Variants in RC3H1 observed in about 807,000 individuals in gnomAD.
RC3H1 encodes roquin-1.
A neutral mutation model predicts 138.2 loss-of-function variants in RC3H1; 50 were observed. The observed-to-expected ratio is 0.36, with a 90% CI of 0.29 to 0.46. The LOEUF (loss-of-function observed/expected upper bound fraction) is 0.46. Among genes scored for constraint, RC3H1 ranks in the 20% least tolerant of loss-of-function variants. RC3H1 has a pLI of 1.00. For missense variants in RC3H1, 1,031 were observed against 1,388.1 expected (o/e 0.74, Z 4.09); for synonymous variants, 462 against 489.1 (o/e 0.94, Z 0.73).
rs1553232033 is a variant in RC3H1 at position 173,992,699 on chromosome 1, C to CAGAG, written c.231+52_231+55dup. ...ACACACACACACACACACACACACA[C>CAGAG]AGAGAGAGAGAGAGAGAGAGGGAGA... is the stretch of plus-strand genomic sequence containing the variant. On this transcript the variant is annotated intron_variant, in intron 2 of 19. Transcript: ENST00000367696. 3.1e-3 allele frequency: 2,317 copies of CAGAG among 745,492 alleles called. 4 individuals are homozygous for CAGAG. Among genetic ancestry groups the CAGAG allele is most frequent in the East Asian group, 8.7e-3 (262 of 30,204 alleles). The allele number at this position is 745,492 out of a possible 1,614,324, so 46.2% of individuals were successfully genotyped here.
At chr1:173,946,635 A>C (rs1659149969) in intron 16 of RC3H1, 27 bp from the exon 17 acceptor site, 1 of 1,610,694 alleles carries the variant, frequency 6.2e-7, no homozygotes, top group African/African-American at 1.3e-5. Flanking sequence ...AGTGTGAATC[A>C]AATTTTAACA....
chr1:173,932,854 T>C lies in RC3H1; in HGVS notation c.*5867A>G, dbSNP rs184359584. ...AACCAATTATTCACCCAATAGTTTG[T>C]TTCCAATCTTTTTCTTGACTCTTTC... On this transcript the variant is annotated 3_prime_UTR_variant, in exon 20 of 20. Transcript: ENST00000367696. The C allele has an allele frequency of 1.3e-5, 2 of 152,224 alleles. No individual in the cohort carries two copies. The highest frequency in any genetic ancestry group is 1.3e-4 in the Admixed American group (2 of 15,294). 9.4% of individuals were successfully genotyped at this position (152,224 alleles called of 1,614,324 possible). A position where few individuals can be genotyped will look rare whatever the true frequency, so the allele number is the denominator to read the frequency against.
intron 18 of RC3H1, among the ~76,000 whole-genome samples, chr1:173,942,428 C>CAAAAAAAAAAAAAAAAAAAAAAAAAA (rs60694243): frequency 1.8e-4 from 7 of 38,076 alleles, no homozygotes; most frequent in African/African-American, 1.0e-3. Flanking sequence ...GACTCAGTCT[C>CAAAAAAAAAAAAAAAAAAAAAAAAAA]AAAAAAAAAA....
At chr1:173,989,910 T>C (rs1036039683) in intron 2 of RC3H1, among the ~76,000 whole-genome samples, 9 of 149,936 alleles carry the variant, frequency 6.0e-5, no homozygotes, top group South Asian at 2.1e-4. Flanking sequence ...GTATTTTTAG[T>C]AGAGACGGGG....
At chr1:173,958,824 T>C (rs1377873592) in intron 13 of RC3H1, among the ~76,000 whole-genome samples, 1 of 152,106 alleles carries the variant, frequency 6.6e-6, no homozygotes, top group Non-Finnish European at 1.5e-5. Flanking sequence ...GTTTTTTTTT[T>C]CTGATTTTCA....
At chr1:173,989,281 G>A (rs1412211936) in intron 2 of RC3H1, among the ~76,000 whole-genome samples, 2 of 151,518 alleles carry the variant, frequency 1.3e-5, no homozygotes, top group Admixed American at 6.6e-5. Context: ...CATCCATCTT[G>A]GCCTCCTGGG....
At chr1:173,939,666 CT>C in intron 19 of RC3H1, among the ~76,000 whole-genome samples, 1 of 151,442 alleles carries the variant, frequency 6.6e-6, no homozygotes, top group East Asian at 2.0e-4. Context: ...GAAACCCCGT[CT>C]CTATTAAAAA....
intron 1 of RC3H1, among the ~76,000 whole-genome samples, chr1:173,996,113 G>C (rs919450617): frequency 6.6e-6 from 1 of 152,096 alleles, no homozygotes; most frequent in Non-Finnish European, 1.5e-5. Context: ...AATTAGCCAG[G>C]TGTGGTGATG....
chr1:173,942,445 A>AAT (rs1221603187), intron 18 of RC3H1, among the ~76,000 whole-genome samples: 2 of 149,932 alleles, frequency 1.3e-5, no homozygotes, highest in Admixed American at 1.3e-4. Flanking sequence ...AAAAAAAAAA[A>AAT]AAAAAGAAAA....
At position 173,936,514 on chromosome 1, in the gene RC3H1, C is replaced by CAAAAAAA. The variant is rs1169468233; in HGVS notation, c.*2200_*2206dup. 1.3e-3 allele frequency: 37 copies of CAAAAAAA among 28,142 alleles called. No homozygotes were observed. Among genetic ancestry groups the CAAAAAAA allele is most frequent in the East Asian group, 9.7e-3 (10 of 1,034 alleles). 1.7% of individuals were successfully genotyped at this position (28,142 alleles called of 1,614,324 possible). A position where few individuals can be genotyped will look rare whatever the true frequency, so the allele number is the denominator to read the frequency against. On this transcript the variant is annotated 3_prime_UTR_variant, in exon 20 of 20. Transcript: ENST00000367696. ...GGGCAACAGAAGCAGACTCCCTCTC[C>CAAAAAAA]AAAAAAAAAAAAAAAAAAAAAAAAA...
intron 1 of RC3H1, among the ~76,000 whole-genome samples, chr1:174,007,465 T>C (rs1661675924): frequency 6.6e-6 from 1 of 152,060 alleles, no homozygotes; most frequent in African/African-American, 2.4e-5. Flanking sequence ...TGCAATGTTT[T>C]GTTGTTGTTG....
rs766543186 is a variant in RC3H1, at chr1:173,941,372, C to T, written c.3144G>A (p.Gln1048=). The T allele has an allele frequency of 7.5e-6, 12 of 1,606,502 alleles. No homozygotes were observed. The highest frequency in any genetic ancestry group is 2.2e-5 in the East Asian group (1 of 44,778). The stretch of plus-strand genomic sequence containing the variant: ...GTTTGCTTTTCATGTCCAGAGAACA[C>T]TGGTTTTCCTTTGAAAGAGAAGGAA... ...KRTRELSMEN[Q]CSLDMKSKLN... The change falls in exon 19 of 20, where the codon CAG becomes CAA. Residue 1048 remains glutamine (Q), a synonymous_variant. Coordinates refer to ENST00000367696, the MANE Select transcript of RC3H1 (RefSeq NM_172071.4).
In RC3H1 at chr1:173,983,637, T is replaced by A. The variant is rs759993071; in HGVS notation, c.373A>T (p.Thr125Ser). ...ATTGGGCGACTCAGAACACTCTGAG[T>A]AGTGCTGTTCAGACCCACTCCTTTA... is the stretch of plus-strand genomic sequence containing the variant. ...SARGVGLNSTTQSVLSRPMQR... is the reference protein window; with the variant it reads ...SARGVGLNSTSQSVLSRPMQR... Residue 125 changes from threonine (T) to serine (S), a missense_variant, in exon 4 of 20, where the codon ACT becomes TCT. Thr to Ser is a moderately conservative substitution (Grantham distance 58, BLOSUM62 1). This residue lies in a region of RC3H1 where 80 missense variants were observed against 81.1 expected (regional missense o/e 0.99). Transcript: ENST00000367696. The A allele has an allele frequency of 1.1e-5, 17 of 1,614,136 alleles. No individual in the cohort carries two copies. The highest frequency in any genetic ancestry group is 1.4e-5 in the Non-Finnish European group (16 of 1,180,012).
intron 14 of RC3H1, among the ~76,000 whole-genome samples, chr1:173,949,260 A>C (rs943387855): frequency 1.3e-5 from 2 of 152,078 alleles, no homozygotes; most frequent in Admixed American, 6.6e-5. Context: ...CACCTGGAAA[A>C]GTATTTATCT....
chr1:173,948,239 T>A (rs980624941), intron 14 of RC3H1, among the ~76,000 whole-genome samples: 2 of 152,170 alleles, frequency 1.3e-5, no homozygotes, highest in African/African-American at 4.8e-5. Flanking sequence ...ACCACTCAAT[T>A]TGAACTGGTA....
intron 7 of RC3H1, 76 bp from the exon 8 acceptor site, chr1:173,972,703 T>C: frequency 1.1e-6 from 1 of 946,400 alleles, no homozygotes; most frequent in Admixed American, 1.8e-5. Flanking sequence ...ATAAAAGAGT[T>C]ACTTGAAAAC....
rs761067083 is a variant in RC3H1, at chr1:173,984,532, C to A, written c.319G>T (p.Ala107Ser). ...CTGCTGAGCGGTTTTAAGTACAATG[C>A]TAATTCTTCTACACATTTCTTGGCT... The part of the protein sequence containing the change: ...EEAKKCVEEL[A>S]LYLKPLSSAR... Residue 107 changes from alanine to serine, a missense_variant, in exon 3 of 20, where the codon GCA (alanine) becomes TCA (serine). Around this residue, in one of 7 missense-constraint regions of RC3H1, gnomAD observed 80 missense variants for 81.1 expected, o/e 0.99. Coordinates refer to ENST00000367696, the MANE Select transcript of RC3H1 (RefSeq NM_172071.4). 4 of 1,613,978 alleles carry A rather than the reference C, an allele frequency of 2.5e-6. No individual in the cohort carries two copies. The highest frequency in any genetic ancestry group is 3.4e-6 in the Non-Finnish European group (4 of 1,179,930).
In RC3H1 at chr1:173,972,540, T is replaced by C; in HGVS notation, c.1190A>G (p.Asn397Ser). 1 of 1,614,038 alleles carries C rather than the reference T, an allele frequency of 6.2e-7. No homozygotes were observed. The highest frequency in any genetic ancestry group is 8.5e-7 in the Non-Finnish European group (1 of 1,179,906). ...CTGATCTGCTCCTTTTTTGCTGTGG[T>C]TCTGGATATAATCAACCAGCCCATG... is the stretch of plus-strand genomic sequence containing the variant. Reference protein sequence around the residue: ...VVHGLVDYIQNHSKKGADQQQ... With the variant: ...VVHGLVDYIQSHSKKGADQQQ... Residue 397 changes from asparagine to serine, a missense_variant, in exon 8 of 20, where the codon AAC becomes AGC. Asn to Ser is a conservative substitution (Grantham distance 46). Transcript: ENST00000367696.
rs1661160389 is a variant in RC3H1 at position 173,989,191 on chromosome 1, C to T, written c.231+3564G>A. ...GGGAATACAGGCATGTGCCATCACA[C>T]CCAGCAATTTTTTGTTGTTGTTGTT... On this transcript the variant is annotated intron_variant, in intron 2 of 19. Transcript: ENST00000367696. Among the ~76,000 whole-genome samples the T allele has an allele frequency of 2.6e-5, 4 of 152,300 alleles. No homozygotes were observed. In the South Asian group the frequency reaches 8.3e-4, roughly 32 times the overall value.
Sources: allele counts gnomAD v4.1 joint callset (sites outside exome capture counted in the v4.1 genomes callset), GRCh38; gene constraint gnomAD v4.1.1; regional missense constraint gnomAD v4.1.1; transcripts MANE v1.5; gene names NCBI Gene and HGNC (gene_info 2026-07-23, HGNC 2026-07-21).